The following SEC16A variants were observed in gnomAD, a reference collection of about 807,000 sequenced individuals.
SEC16A encodes protein transport protein Sec16A.
In SEC16A, 110 loss-of-function variants were observed where a neutral mutation model predicts 221.9. The ratio of observed to expected loss-of-function variants is 0.50; its 90% CI spans 0.42 to 0.58. The LOEUF is 0.58. SEC16A is among the 20% of genes least tolerant of loss of function. SEC16A has a pLI of 0.00. For missense variants in SEC16A, 3,165 were observed against 3,097.8 expected, an observed-to-expected ratio of 1.02 and a Z score of -0.52; for synonymous variants, 1,393 against 1,257.7, an observed-to-expected ratio of 1.11 and a Z score of -2.28.
Position 136,447,418 on chromosome 9 carries a change from T to A in SEC16A, c.6560-54A>T. The A allele has an allele frequency of 6.3e-7, 1 of 1,580,322 alleles. No homozygotes were observed. The highest frequency in any genetic ancestry group is 1.2e-5 in the South Asian group (1 of 86,570). ...TGAACGCGCCAGGTGGCCTCCAGCT[T>A]CCAAATGCTCTGCGCTCACTGCGTC... On this transcript the variant is annotated intron_variant, in intron 26 of 31. Transcript: ENST00000684901. The surrounding 1 kb of genome is among the most constrained non-coding windows in gnomAD (Gnocchi z 5.5).
chr9:136,451,483 C>A (rs1022022803), intron 22 of SEC16A, 75 bp from the exon 23 acceptor site: 40 of 1,480,008 alleles, frequency 2.7e-5, no homozygotes, highest in Middle Eastern at 3.6e-4. Context: ...GGATGCAATT[C>A]CCCAGGCGTG....
rs772303007 is a variant in SEC16A, at chr9:136,476,817, G to A, written c.799C>T (p.Pro267Ser). 4 of 1,612,222 alleles carry A rather than the reference G, an allele frequency of 2.5e-6. No homozygotes were observed. Among genetic ancestry groups the A allele is most frequent in the Non-Finnish European group, 3.4e-6 (4 of 1,178,854 alleles). Residue 267 changes from proline to serine, a missense_variant, in exon 3 of 32, where the codon CCT becomes TCT. Physicochemically the swap from Pro to Ser is moderately conservative, Grantham distance 74. Coordinates refer to ENST00000684901, the MANE Select transcript of SEC16A (RefSeq NM_014866.2). Reference protein sequence around the residue: ...HQGPGHEQHSPLVAPPAALPS... With the variant: ...HQGPGHEQHSSLVAPPAALPS... ...AAGGCTGCTGGGGGAGCCACCAGAG[G>A]GCTGTGTTGCTCATGACCAGGGCCC...
intron 31 of SEC16A, among the ~76,000 whole-genome samples, chr9:136,442,411 A>G (rs919519294): frequency 6.6e-5 from 10 of 152,256 alleles, no homozygotes; most frequent in Admixed American, 5.2e-4. Context: ...GGACCAGGGC[A>G]GGAGTGCTGG....
rs762994792 is a variant in SEC16A at position 136,447,047 on chromosome 9, C to T, written c.6698-98G>A. Reference sequence around the variant, plus strand: ...GAGGAAGAGAGTTTCACACTGCACACGCGGCACACTCATGCAGAAACAGGC... The same window carrying T: ...GAGGAAGAGAGTTTCACACTGCACATGCGGCACACTCATGCAGAAACAGGC... On this transcript the variant is annotated intron_variant, in intron 27 of 31. Transcript: ENST00000684901. The surrounding 1 kb of genome is among the most constrained non-coding windows in gnomAD (Gnocchi z 5.5). 7.6e-6 allele frequency: 12 copies of T among 1,586,818 alleles called. No individual in the cohort carries two copies. Among genetic ancestry groups the T allele is most frequent in the African/African-American group, 5.4e-5 (4 of 73,458 alleles).
In SEC16A at chr9:136,447,999, A is replaced by C. The variant is rs910810762; in HGVS notation, c.6390+85T>G. 12 of 1,520,422 alleles carry C rather than the reference A, an allele frequency of 7.9e-6. No homozygotes were observed. In the African/African-American group the frequency reaches 1.4e-4, roughly 17 times the overall value. The allele number at this position is 1,520,422 out of a possible 1,614,324, so 94.2% of individuals were successfully genotyped here. ...AATGATGACACTTCAAAACTTCAGG[A>C]AACACCTACTCAGGTCTGCTCTGAA... On this transcript the variant is annotated intron_variant, in intron 24 of 31. Coordinates refer to ENST00000684901, the MANE Select transcript of SEC16A (RefSeq NM_014866.2). This position sits in a 1 kb window ranked among gnomAD's most constrained non-coding sequence, Gnocchi z 5.5.
rs1373692067 is a variant in SEC16A, at chr9:136,468,411, A to G, written c.3802+4T>C. On this transcript the variant is annotated splice_donor_region_variant and intron_variant, in intron 5 of 31. Transcript: ENST00000684901. ...GGCCAGCTGCTTGGAGTTCCTTGAC[A>G]TACCTCCATAATCGTACTGGCTGGA... The G allele has an allele frequency of 6.3e-7, 1 of 1,596,254 alleles. No homozygotes were observed. Among genetic ancestry groups the G allele is most frequent in the South Asian group, 1.1e-5 (1 of 90,528 alleles).
intron 20 of SEC16A, 133 bp from the exon 21 acceptor site, chr9:136,454,460 A>C: frequency 1.1e-6 from 1 of 875,896 alleles, no homozygotes; most frequent in Non-Finnish European, 1.9e-6. Flanking sequence ...GAGGTCCAAC[A>C]GAGCAGAAAG....
intron 31 of SEC16A, 94 bp downstream of exon 31, chr9:136,443,729 G>T: frequency 1.3e-6 from 1 of 797,778 alleles, no homozygotes; most frequent in South Asian, 1.5e-5. Context: ...AAGAAAAAGA[G>T]GATCTAGGGC....
chr9:136,468,382 C>G (rs1269075282), intron 5 of SEC16A, 33 bp downstream of exon 5: 1 of 1,457,130 alleles, frequency 6.9e-7, no homozygotes, highest in Non-Finnish European at 9.6e-7. Flanking sequence ...AAGGCACCTG[C>G]TAAGGCCAGC....
intron 29 of SEC16A, 130 bp from the exon 30 acceptor site, chr9:136,445,241 A>G (rs1165155959): frequency 5.1e-6 from 4 of 784,966 alleles, no homozygotes; most frequent in Admixed American, 2.4e-5. Context: ...TCAAAAGGGA[A>G]AAAAAAGCCA....
chr9:136,475,382 G>C lies in SEC16A; in HGVS notation c.2234C>G (p.Pro745Arg). The C allele has an allele frequency of 6.2e-7, 1 of 1,609,170 alleles. No individual in the cohort carries two copies. Among genetic ancestry groups the C allele is most frequent in the Non-Finnish European group, 8.5e-7 (1 of 1,176,926 alleles). The change falls in exon 3 of 32, where the codon CCG becomes CGG. Residue 745 changes from proline to arginine, a missense_variant. Physicochemically the swap from Pro to Arg is moderately radical, Grantham distance 103. Transcript: ENST00000684901. The surrounding 1 kb of genome is among the most constrained non-coding windows in gnomAD (Gnocchi z 5.0). The part of the protein sequence containing the change: ...GGNVLLAPAA[P>R]ALYVCAKPQP... ...AGGTTTTGCACACACATAAAGCGCC[G>C]GGGCTGCAGGGGCCAGAAGGACGTT... is the stretch of plus-strand genomic sequence containing the variant.
chr9:136,455,270 C>T (rs10781495), intron 20 of SEC16A, among the ~76,000 whole-genome samples: 17,007 of 152,176 alleles, frequency 0.11, 1,345 homozygotes, highest in Admixed American at 0.23. Flanking sequence ...CAGCCGAGGG[C>T]GCCGCCCAGA....
chr9:136,483,519 C>T, upstream of SEC16A: 1 of 985,098 alleles, frequency 1.0e-6, no homozygotes, highest in Non-Finnish European at 1.2e-6. Flanking sequence ...CCGCTTGGCC[C>T]CGCCCCTCGC....
intron 3 of SEC16A, among the ~76,000 whole-genome samples, chr9:136,473,409 T>C (rs774952684): frequency 1.3e-4 from 20 of 152,230 alleles, no homozygotes; most frequent in Non-Finnish European, 5.9e-5. Flanking sequence ...TGCAGGATTA[T>C]GCGGAACCTA....
In SEC16A at chr9:136,459,533, C is replaced by G; in HGVS notation, c.5214G>C (p.Ala1738=). ...DTLASRGLLD[A]AHFCYLMAQA... Reference sequence around the variant, plus strand: ...GGGCCATGAGGTAGCAGAAGTGGGCCGCATCCAAGAGGCCCCTTGAAGCTG... The same window carrying G: ...GGGCCATGAGGTAGCAGAAGTGGGCGGCATCCAAGAGGCCCCTTGAAGCTG... The change falls in exon 16 of 32, where the codon GCG becomes GCC. Residue 1738 remains alanine, a synonymous_variant. Coordinates refer to ENST00000684901, the MANE Select transcript of SEC16A (RefSeq NM_014866.2). The surrounding 1 kb of genome is among the most constrained non-coding windows in gnomAD (Gnocchi z 6.1). 6.2e-7 allele frequency: 1 copy of G among 1,602,808 alleles called. No individual in the cohort carries two copies. The highest frequency in any genetic ancestry group is 8.5e-7 in the Non-Finnish European group (1 of 1,174,398).
intron 13 of SEC16A, 76 bp downstream of exon 13, chr9:136,461,101 C>T (rs1839413890): frequency 5.2e-6 from 6 of 1,152,408 alleles, no homozygotes; most frequent in Admixed American, 2.0e-5. Context: ...TGCCGCCTGC[C>T]CCCAGGGTGC....
upstream of SEC16A, chr9:136,483,452 C>T (rs1842673087): frequency 5.4e-6 from 4 of 746,186 alleles, no homozygotes; most frequent in Non-Finnish European, 4.9e-6. Flanking sequence ...CCCCGCCCCT[C>T]GGCCGTCCTT....
Position 136,462,926 on chromosome 9 carries a change from G to A in SEC16A, c.4854C>T (p.Thr1618=), listed in dbSNP as rs370099266. ...ACAGCAACAGCTCCCTGAACCTCTCGGTCTCTCTCTCGAGCGAGCTGGCGG... is the reference window on the plus strand; with the variant it reads ...ACAGCAACAGCTCCCTGAACCTCTCAGTCTCTCTCTCGAGCGAGCTGGCGG... ...AAAASSLERE[T]ERFRELLLYG... The change falls in exon 12 of 32, where the codon ACC becomes ACT. Residue 1618 remains threonine, a synonymous_variant. Coordinates refer to ENST00000684901, the MANE Select transcript of SEC16A (RefSeq NM_014866.2). 254 of 1,603,530 alleles carry A rather than the reference G, an allele frequency of 1.6e-4. No individual in the cohort carries two copies. In the African/African-American group the frequency reaches 2.0e-3, roughly 13 times the overall value.
At chr9:136,484,328 A>G, upstream of SEC16A, 1 of 1,105,660 alleles carries the variant, frequency 9.0e-7, no homozygotes, top group Non-Finnish European at 1.1e-6. Flanking sequence ...TGCCACGGCC[A>G]GGCCAGGCAG....
Sources: allele counts gnomAD v4.1 joint callset (sites outside exome capture counted in the v4.1 genomes callset), GRCh38; gene constraint gnomAD v4.1.1; non-coding constraint Gnocchi (gnomAD v3.1); transcripts MANE v1.5; gene names NCBI Gene and HGNC (gene_info 2026-07-23, HGNC 2026-07-21).